Variants in TUSC3 observed in about 807,000 individuals in gnomAD.
TUSC3 encodes the protein tumor suppressor candidate 3, also known as dolichyl-diphosphooligosaccharide--protein glycosyltransferase subunit TUSC3.
TUSC3 carries 45 observed loss-of-function variants against 44.8 expected under a neutral mutation model. That is an observed-to-expected ratio of 1.00 (90% CI 0.79 to 1.29). The LOEUF (loss-of-function observed/expected upper bound fraction) is 1.29. TUSC3 is among the 50% of genes most tolerant of loss of function. The probability of loss-of-function intolerance (pLI) is 0.00; values close to 1 mark genes in which losing one functional copy is unlikely to be tolerated. For synonymous variants in TUSC3, 212 were observed against 152.9 expected (o/e 1.39, Z -2.85); for missense variants, 519 against 437.9 (o/e 1.19, Z -1.65).
the TUSC3 span, chr8:15,807,020 C>T: frequency 7.0e-7 from 1 of 1,434,762 alleles, no homozygotes; most frequent in Non-Finnish European, 9.8e-7. Context: ...GGTGCTCCTG[C>T]AGACCCTGTA....
chr8:15,609,191 G>T (rs368751602), intron 1 of TUSC3, among the ~76,000 whole-genome samples: 70 of 152,252 alleles, frequency 4.6e-4, no homozygotes, highest in African/African-American at 1.7e-3. Flanking sequence ...TTACGGTTTT[G>T]TTTTGCCACA....
intron 1 of TUSC3, among the ~76,000 whole-genome samples, chr8:15,428,840 G>A (rs1799837051): frequency 1.3e-5 from 2 of 151,970 alleles, no homozygotes; most frequent in African/African-American, 4.8e-5. Flanking sequence ...TTGTAAATTT[G>A]TTTGAGTTCA....
intron 2 of TUSC3, among the ~76,000 whole-genome samples, chr8:15,641,633 TGAGA>T (rs1806376070): frequency 6.6e-6 from 1 of 152,192 alleles, no homozygotes; most frequent in South Asian, 2.1e-4. Flanking sequence ...TGACAACTGT[TGAGA>T]GAGAAATTAC....
In TUSC3 at chr8:15,561,427, T is replaced by G. The variant is rs1190303887; in HGVS notation, c.138+20859T>G. 1.0e-4 allele frequency among the ~76,000 whole-genome samples: 14 copies of G among 139,246 alleles called. 1 individual carries two copies. Among genetic ancestry groups the G allele is most frequent in the African/African-American group, 3.7e-4 (14 of 37,680 alleles). 91.4% of individuals were successfully genotyped at this position (139,246 alleles called of 152,430 possible). On this transcript the variant is annotated intron_variant, in intron 1 of 10. Transcript: ENST00000503731. ...TTAAAAGCTGTCAGACAGGGACATTTAAGTCTGCAGAGGTTACTGCTGTCC... is the reference window on the plus strand; with the variant it reads ...TTAAAAGCTGTCAGACAGGGACATTGAAGTCTGCAGAGGTTACTGCTGTCC...
At chr8:15,750,201 G>A (rs7826433) in intron 9 of TUSC3, among the ~76,000 whole-genome samples, 29,578 of 151,696 alleles carry the variant, frequency 0.19, 3,751 homozygotes, top group Non-Finnish European at 0.29. Context: ...GGATGGTCTC[G>A]ATCTCCTGAC....
intron 9 of TUSC3, among the ~76,000 whole-genome samples, chr8:15,751,142 G>A (rs1442347112): frequency 3.3e-5 from 5 of 152,048 alleles, no homozygotes; most frequent in Admixed American, 3.3e-4. Context: ...ATAGAGTTTG[G>A]GTTGCTCTGT....
At chr8:15,631,769 G>A (rs1047034635) in intron 2 of TUSC3, among the ~76,000 whole-genome samples, 11 of 151,700 alleles carry the variant, frequency 7.3e-5, no homozygotes, top group Non-Finnish European at 1.5e-4. Context: ...GCAGTGGCGC[G>A]ATCATGGCTC....
chr8:15,720,061 G>A (rs1585264838), intron 6 of TUSC3, among the ~76,000 whole-genome samples: 4 of 152,140 alleles, frequency 2.6e-5, no homozygotes, highest in East Asian at 3.9e-4. Context: ...TGGGACTAGA[G>A]GCACTTGCCA....
intron 2 of TUSC3, among the ~76,000 whole-genome samples, chr8:15,637,855 C>G (rs1025572624): frequency 6.6e-6 from 1 of 152,104 alleles, no homozygotes; most frequent in Non-Finnish European, 1.5e-5. Flanking sequence ...CCTCTCTCCT[C>G]CTTCTTGCAG....
chr8:15,463,220 A>T (rs1444851765), intron 1 of TUSC3, among the ~76,000 whole-genome samples: 1 of 152,098 alleles, frequency 6.6e-6, no homozygotes, highest in Non-Finnish European at 1.5e-5. Context: ...GATTTACTAC[A>T]AATTACTTAG....
chr8:15,747,580 C>G (rs1276561850), intron 8 of TUSC3, among the ~76,000 whole-genome samples: 1 of 151,886 alleles, frequency 6.6e-6, no homozygotes, highest in Non-Finnish European at 1.5e-5. Context: ...ATACTATATG[C>G]AAAAGAAACA....
intron 1 of TUSC3, among the ~76,000 whole-genome samples, chr8:15,541,788 A>C (rs7014459): frequency 1.4e-5 from 2 of 145,916 alleles, no homozygotes; most frequent in Non-Finnish European, 3.1e-5. Flanking sequence ...ATATTCCAAG[A>C]GTTTTAGATT....
At chr8:15,476,021 A>C (rs1800570145) in intron 1 of TUSC3, among the ~76,000 whole-genome samples, 1 of 152,214 alleles carries the variant, frequency 6.6e-6, no homozygotes, top group Non-Finnish European at 1.5e-5. Context: ...TCAAGCTTTG[A>C]AAGATATCTT....
intron 1 of TUSC3, among the ~76,000 whole-genome samples, chr8:15,588,136 C>G (rs765121305): frequency 3.3e-5 from 5 of 152,048 alleles, no homozygotes; most frequent in Non-Finnish European, 7.4e-5. Context: ...TGAGGGACCT[C>G]CATGCTGTTA....
At chr8:15,793,085 G>C in the TUSC3 span, among the ~76,000 whole-genome samples, 3 of 151,954 alleles carry the variant, frequency 2.0e-5, no homozygotes, top group Non-Finnish European at 4.4e-5. Context: ...TGCTGATCTG[G>C]AGGAAGAACT....
At chr8:15,553,351 G>A (rs1802122555) in intron 1 of TUSC3, among the ~76,000 whole-genome samples, 1 of 151,724 alleles carries the variant, frequency 6.6e-6, no homozygotes, top group African/African-American at 2.4e-5. Context: ...ATATTTTGGT[G>A]TGCTGCAAAA....
At chr8:15,822,816 G>A in the TUSC3 span, among the ~76,000 whole-genome samples, 1 of 152,138 alleles carries the variant, frequency 6.6e-6, no homozygotes. Flanking sequence ...ACTGAGAACT[G>A]AACATTGCAT....
intron 1 of TUSC3, among the ~76,000 whole-genome samples, chr8:15,605,613 AAAAAT>A (rs1304350265): frequency 6.6e-6 from 1 of 152,098 alleles, no homozygotes; most frequent in Admixed American, 6.6e-5. Flanking sequence ...AAATACCAAA[AAAAAT>A]GGAGAAAAAA....
At chr8:15,577,269 T>A (rs1418937673) in intron 1 of TUSC3, among the ~76,000 whole-genome samples, 3 of 151,542 alleles carry the variant, frequency 2.0e-5, no homozygotes, top group Non-Finnish European at 3.0e-5. Flanking sequence ...GGTTGCCTGT[T>A]CACTCTGATG....
Sources: allele counts gnomAD v4.1 joint callset (sites outside exome capture counted in the v4.1 genomes callset), GRCh38; gene constraint gnomAD v4.1.1; transcripts MANE v1.5; gene names NCBI Gene and HGNC (gene_info 2026-07-23, HGNC 2026-07-21).